Variants in CTNNA2 observed in about 807,000 individuals in gnomAD.
CTNNA2 encodes the protein catenin alpha 2, also known as catenin alpha-2.
CTNNA2 carries 42 observed loss-of-function variants against 101.0 expected under a neutral mutation model. The ratio of observed to expected loss-of-function variants is 0.42; its 90% confidence interval spans 0.32 to 0.54. The LOEUF (loss-of-function observed/expected upper bound fraction) is 0.54, where lower values mean the gene tolerates loss of function less well. Among genes scored for constraint, CTNNA2 ranks in the 20% least tolerant of loss-of-function variants. CTNNA2 has a pLI of 0.14. For synonymous variants in CTNNA2, 450 were observed against 456.4 expected, an observed-to-expected ratio of 0.99 and a Z score of 0.18; for missense variants, 871 against 1,223.1, an observed-to-expected ratio of 0.71 and a Z score of 4.29.
At chr2:79,843,907 A>G (rs983469527) in intron 3 of CTNNA2, among the ~76,000 whole-genome samples, 5 of 152,238 alleles carry the variant, frequency 3.3e-5, no homozygotes, top group South Asian at 2.1e-4. Context: ...ATGTTAGCTT[A>G]TTAATCCTTA....
intron 7 of CTNNA2, 138 bp downstream of exon 7, chr2:79,909,935 G>A: frequency 1.2e-6 from 1 of 844,378 alleles, no homozygotes. Flanking sequence ...CCAAAGAACT[G>A]CTTTGGGAGA....
intron 7 of CTNNA2, among the ~76,000 whole-genome samples, chr2:80,340,211 G>A (rs547788560): frequency 1.4e-4 from 21 of 152,258 alleles, no homozygotes; most frequent in South Asian, 4.1e-4. Context: ...GCAGTCCTGC[G>A]GTTATGTCAG....
intron 3 of CTNNA2, among the ~76,000 whole-genome samples, chr2:79,755,787 A>G (rs1434407858): frequency 6.6e-6 from 1 of 152,188 alleles, no homozygotes; most frequent in African/African-American, 2.4e-5. Flanking sequence ...TCTCTTTGCC[A>G]TGGAAAAGTA....
chr2:80,419,736 C>T (rs1680353889), intron 9 of CTNNA2, 135 bp downstream of exon 9: 2 of 890,774 alleles, frequency 2.2e-6, no homozygotes, highest in Non-Finnish European at 1.6e-6. Flanking sequence ...CTTTCCTTTA[C>T]TTTCTGATTA....
chr2:80,517,966 T>C (rs1304812131), intron 9 of CTNNA2, among the ~76,000 whole-genome samples: 1 of 152,188 alleles, frequency 6.6e-6, no homozygotes, highest in African/African-American at 2.4e-5. Flanking sequence ...AAGTATGCTA[T>C]TTCTAGGGAT....
intron 4 of CTNNA2, among the ~76,000 whole-genome samples, chr2:79,467,281 C>T (rs931139555): frequency 2.0e-5 from 3 of 151,986 alleles, no homozygotes; most frequent in African/African-American, 7.2e-5. Context: ...GTATCAGTGA[C>T]TGAAGATCAA....
intron 7 of CTNNA2, among the ~76,000 whole-genome samples, chr2:80,360,737 TA>T (rs897155457): frequency 6.6e-6 from 1 of 152,082 alleles, no homozygotes; most frequent in African/African-American, 2.4e-5. Context: ...GCAAATGTTT[TA>T]TTTTTTTAAT....
intron 9 of CTNNA2, among the ~76,000 whole-genome samples, chr2:80,492,881 C>T (rs1687171725): frequency 6.6e-6 from 1 of 152,118 alleles, no homozygotes; most frequent in Non-Finnish European, 1.5e-5. Flanking sequence ...CATACCACTC[C>T]CATAATTCCC....
chr2:79,394,432 T>C (rs1678207929), intron 4 of CTNNA2, among the ~76,000 whole-genome samples: 1 of 152,222 alleles, frequency 6.6e-6, no homozygotes, highest in South Asian at 2.1e-4. Flanking sequence ...CTAATGTTTA[T>C]TGATTGGATG....
intron 14 of CTNNA2, among the ~76,000 whole-genome samples, chr2:80,582,252 G>T (rs1295244914): frequency 1.3e-5 from 2 of 152,082 alleles, no homozygotes; most frequent in Non-Finnish European, 2.9e-5. Flanking sequence ...GTTTATAGCT[G>T]GGCTGTTGCT....
At chr2:80,024,448 G>C (rs1473506701) in intron 7 of CTNNA2, among the ~76,000 whole-genome samples, 1 of 152,178 alleles carries the variant, frequency 6.6e-6, no homozygotes, top group African/African-American at 2.4e-5. Context: ...GTCAGGCAGA[G>C]GGCACAGCAT....
rs546130838 is a variant in CTNNA2 at position 79,212,699 on chromosome 2, G to A, written c.-406+14623G>A. 3.9e-4 allele frequency among the ~76,000 whole-genome samples: 20 copies of A among 51,342 alleles called. No homozygotes were observed. In the South Asian group the frequency reaches 0.012, roughly 31 times the overall value. The allele number at this position is 51,342 out of a possible 152,430, so 33.7% of individuals were successfully genotyped here. ...CTGACAGAAGGGAAGAAATGACCGC[G>A]GTGGCCTCTCAGACCCTGTAGGAAA... On this transcript the variant is annotated intron_variant, in intron 2 of 21. Coordinates refer to the CTNNA2 transcript ENST00000466387.
chr2:80,590,460 T>A (rs1696382115), intron 15 of CTNNA2, among the ~76,000 whole-genome samples: 1 of 151,730 alleles, frequency 6.6e-6, no homozygotes. Context: ...AACACACATA[T>A]GCAAAGATGT....
chr2:79,210,832 C>T (rs1452741286), intron 2 of CTNNA2, among the ~76,000 whole-genome samples: 1 of 152,098 alleles, frequency 6.6e-6, no homozygotes, highest in Non-Finnish European at 1.5e-5. Flanking sequence ...TCCCCCAATC[C>T]CCGTATTCCC....
At chr2:79,561,598 G>T (rs1250903058) in intron 1 of CTNNA2, among the ~76,000 whole-genome samples, 12 of 151,606 alleles carry the variant, frequency 7.9e-5, no homozygotes, top group Admixed American at 7.9e-4. Flanking sequence ...AATTCTTGTT[G>T]TTTTTTTATC....
chr2:79,690,674 C>T (rs1016843965), intron 2 of CTNNA2, among the ~76,000 whole-genome samples: 1 of 151,796 alleles, frequency 6.6e-6, no homozygotes, highest in African/African-American at 2.4e-5. Context: ...GAAAGGAAAG[C>T]CCAGAGAGAG....
intron 4 of CTNNA2, among the ~76,000 whole-genome samples, chr2:79,450,089 C>T (rs1359633719): frequency 6.6e-6 from 1 of 151,714 alleles, no homozygotes; most frequent in Non-Finnish European, 1.5e-5. Flanking sequence ...CTATGGATTC[C>T]AGAATGATAA....
chr2:79,282,347 G>A (rs867585671), intron 2 of CTNNA2, among the ~76,000 whole-genome samples: 6 of 151,914 alleles, frequency 3.9e-5, no homozygotes, highest in African/African-American at 1.5e-4. Context: ...ATGCTGGTGC[G>A]CTGCACCCAC....
chr2:79,744,802 G>A (rs1037644636), intron 3 of CTNNA2, among the ~76,000 whole-genome samples: 5 of 152,158 alleles, frequency 3.3e-5, no homozygotes, highest in Middle Eastern at 3.4e-3. Flanking sequence ...CTGCTGTTAC[G>A]TCAAATCTTC....
Sources: gnomAD v4.1 joint callset for allele counts (sites outside exome capture counted in the v4.1 genomes callset) on GRCh38, gnomAD v4.1.1 for gene constraint, MANE v1.5 for transcripts, NCBI Gene and HGNC (gene_info 2026-07-23, HGNC 2026-07-21) for gene names.